CRPPA: variants seen among roughly 807,000 people sequenced by gnomAD.
CRPPA encodes D-ribitol-5-phosphate cytidylyltransferase.
CRPPA carries 43 observed loss-of-function variants against 52.0 expected under a neutral mutation model. The observed-to-expected ratio is 0.83, with a 90% CI of 0.65 to 1.07. The LOEUF (loss-of-function observed/expected upper bound fraction) is 1.07. Ranked by LOEUF, CRPPA falls within the 50% of genes least tolerant of loss-of-function variation. The pLI is 0.00. For missense variants in CRPPA, 629 were observed against 551.7 expected, an observed-to-expected ratio of 1.14 and a Z score of -1.40; for synonymous variants, 250 against 203.5, an observed-to-expected ratio of 1.23 and a Z score of -1.94.
chr7:16,252,664 A>G (rs1783492046), intron 8 of CRPPA, among the ~76,000 whole-genome samples: 1 of 152,182 alleles, frequency 6.6e-6, no homozygotes, highest in Non-Finnish European at 1.5e-5. Context: ...TGATTGGAAT[A>G]GTTTCAGAAG....
At chr7:16,311,386 C>T (rs896705405) in intron 3 of CRPPA, among the ~76,000 whole-genome samples, 3 of 152,078 alleles carry the variant, frequency 2.0e-5, no homozygotes, top group African/African-American at 4.8e-5. Context: ...CCTTTTAATG[C>T]CTCCATAATT....
At chr7:16,186,360 G>C (rs1781504775) in intron 9 of CRPPA, among the ~76,000 whole-genome samples, 1 of 152,278 alleles carries the variant, frequency 6.6e-6, no homozygotes, top group African/African-American at 2.4e-5. Context: ...TAGAGAGCTA[G>C]CTAGCTCTTT....
intron 9 of CRPPA, among the ~76,000 whole-genome samples, chr7:16,194,088 A>C (rs183000415): frequency 7.9e-5 from 12 of 152,282 alleles, no homozygotes; most frequent in African/African-American, 2.6e-4. Flanking sequence ...AATTATTTGC[A>C]AAACAGATGA....
At chr7:16,396,660 C>G (rs1430405626) in intron 2 of CRPPA, among the ~76,000 whole-genome samples, 3 of 152,220 alleles carry the variant, frequency 2.0e-5, no homozygotes, top group Non-Finnish European at 4.4e-5. Context: ...ACTGCAAAAA[C>G]ATGGAACCAG....
chr7:16,116,186 T>C (rs145733594), intron 9 of CRPPA, among the ~76,000 whole-genome samples: 2 of 152,316 alleles, frequency 1.3e-5, no homozygotes, highest in African/African-American at 2.4e-5. Context: ...TCTAGGTTAA[T>C]ATCAGCAGTG....
At chr7:16,118,930 G>A (rs1336113433) in intron 9 of CRPPA, among the ~76,000 whole-genome samples, 1 of 152,134 alleles carries the variant, frequency 6.6e-6, no homozygotes, top group Non-Finnish European at 1.5e-5. Context: ...TCAGCTGAGG[G>A]AGAAAGGAGG....
At chr7:16,202,410 C>T (rs976851869) in intron 9 of CRPPA, among the ~76,000 whole-genome samples, 4 of 152,078 alleles carry the variant, frequency 2.6e-5, no homozygotes, top group African/African-American at 4.8e-5. Context: ...TGTCCTTATA[C>T]AGCTTATAAG....
chr7:16,108,579 T>C (rs1489503276), intron 9 of CRPPA, among the ~76,000 whole-genome samples: 1 of 151,888 alleles, frequency 6.6e-6, no homozygotes, highest in Non-Finnish European at 1.5e-5. Flanking sequence ...GGATATATTA[T>C]ACTTGAACAA....
At chr7:16,325,889 T>C (rs1785372619) in intron 3 of CRPPA, among the ~76,000 whole-genome samples, 1 of 152,114 alleles carries the variant, frequency 6.6e-6, no homozygotes, top group Admixed American at 6.5e-5. Context: ...CACTTTAGAA[T>C]AGCATCTTGG....
chr7:16,324,953 T>A (rs1247347367), intron 3 of CRPPA, among the ~76,000 whole-genome samples: 1 of 152,248 alleles, frequency 6.6e-6, no homozygotes, highest in African/African-American at 2.4e-5. Flanking sequence ...CAATTCCTGC[T>A]AAGGATGGTG....
chr7:16,289,438 CATT>C (rs1360472790), intron 5 of CRPPA, among the ~76,000 whole-genome samples: 2 of 151,898 alleles, frequency 1.3e-5, no homozygotes, highest in East Asian at 3.9e-4. Flanking sequence ...CCGAAGAAAA[CATT>C]AGCAAACCAA....
intron 5 of CRPPA, among the ~76,000 whole-genome samples, chr7:16,297,025 T>A (rs1289615074): frequency 6.6e-6 from 1 of 152,142 alleles, no homozygotes; most frequent in East Asian, 1.9e-4. Flanking sequence ...AAGAGAGAGC[T>A]CTTGAATCCA....
At chr7:16,383,874 C>A (rs182557376) in intron 2 of CRPPA, among the ~76,000 whole-genome samples, 7 of 152,298 alleles carry the variant, frequency 4.6e-5, no homozygotes, top group African/African-American at 1.7e-4. Context: ...GTGGGAGTGA[C>A]CCAATTTTCC....
intron 2 of CRPPA, among the ~76,000 whole-genome samples, chr7:16,387,372 T>C (rs1787315058): frequency 6.6e-6 from 1 of 152,018 alleles, no homozygotes; most frequent in East Asian, 1.9e-4. Context: ...GCATGTATAC[T>C]GTAGGTCCTA....
At chr7:16,340,120 C>A (rs780661603) in intron 3 of CRPPA, among the ~76,000 whole-genome samples, 1 of 151,952 alleles carries the variant, frequency 6.6e-6, no homozygotes. Flanking sequence ...GATCACAGAT[C>A]TAAATATAAA....
rs572036825 is a variant in CRPPA, at chr7:16,103,875, GA to G, written c.1252-12077del. 2.0e-3 allele frequency among the ~76,000 whole-genome samples: 308 copies of G among 152,266 alleles called. 1 individual carries two copies. Among genetic ancestry groups the G allele is most frequent in the African/African-American group, 7.1e-3 (297 of 41,556 alleles). ...TAGAATAATATTGATAATTTCTCAA[GA>G]AGCAGAAAGACTGGTTAGATTTGTT... is the stretch of plus-strand genomic sequence containing the variant. On this transcript the variant is annotated intron_variant, in intron 9 of 9. Transcript: ENST00000407010.
intron 3 of CRPPA, among the ~76,000 whole-genome samples, chr7:16,366,548 C>G (rs1786593051): frequency 6.6e-6 from 1 of 152,136 alleles, no homozygotes; most frequent in African/African-American, 2.4e-5. Flanking sequence ...CACTTCTAAA[C>G]TGCCATACAT....
intron 9 of CRPPA, among the ~76,000 whole-genome samples, chr7:16,152,532 A>C (rs1783097686): frequency 6.6e-6 from 1 of 152,000 alleles, no homozygotes; most frequent in Admixed American, 6.6e-5. Flanking sequence ...TCTGCTAATT[A>C]TCTTATTATT....
chr7:16,209,492 G>A lies in CRPPA; in HGVS notation c.1251+6574C>T, dbSNP rs146379972. 3.2e-3 allele frequency among the ~76,000 whole-genome samples: 481 copies of A among 152,128 alleles called. 4 individuals are homozygous for A. Among genetic ancestry groups the A allele is most frequent in the African/African-American group, 0.011 (459 of 41,564 alleles). On this transcript the variant is annotated intron_variant, in intron 9 of 9. Transcript: ENST00000407010. ...TCACAATGTTGGCCAGATTGGTCTC[G>A]AACTCCTGACCTCAGGTGATCTGCA... is the stretch of plus-strand genomic sequence containing the variant.
Sources: allele counts gnomAD v4.1 joint callset (sites outside exome capture counted in the v4.1 genomes callset), GRCh38; gene constraint gnomAD v4.1.1; transcripts MANE v1.5; gene names NCBI Gene and HGNC (gene_info 2026-07-23, HGNC 2026-07-21).